The following ZNF254 variants were observed in gnomAD, a reference collection of about 807,000 sequenced individuals.
The protein encoded by ZNF254 is CTD-2017D11.1.
In ZNF254, 10 loss-of-function variants were observed where a neutral mutation model predicts 12.4. That is an observed-to-expected ratio of 0.80 (90% CI 0.50 to 1.36). The LOEUF (loss-of-function observed/expected upper bound fraction) is 1.36, where lower values mean the gene tolerates loss of function less well. ZNF254 is among the 40% of genes most tolerant of loss of function. The pLI is 0.00. For missense variants in ZNF254, 996 were observed against 763.9 expected (o/e 1.30, Z -3.58); for synonymous variants, 305 against 253.4 (o/e 1.20, Z -1.93).
intron 3 of ZNF254, chr19:24,107,489 TAGTTTA>T: frequency 3.2e-6 from 1 of 311,528 alleles, no homozygotes; most frequent in Non-Finnish European, 5.8e-6. Flanking sequence ...TTTTATCAGA[TAGTTTA>T]AGTGTATGGA....
At chr19:24,038,934 C>T (rs1970060736) in intron 1 of ZNF254, among the ~76,000 whole-genome samples, 1 of 152,216 alleles carries the variant, frequency 6.6e-6, no homozygotes, top group South Asian at 2.1e-4. Flanking sequence ...TTGAGTAAGC[C>T]TGAGAATCTA....
chr19:24,081,174 C>T (rs1031737451), intron 2 of ZNF254, among the ~76,000 whole-genome samples: 1 of 152,018 alleles, frequency 6.6e-6, no homozygotes, highest in African/African-American at 2.4e-5. Flanking sequence ...TGTATGGTCA[C>T]GGGGATAGAT....
intron 1 of ZNF254, among the ~76,000 whole-genome samples, chr19:24,090,564 G>A (rs1055598713): frequency 1.3e-5 from 2 of 152,092 alleles, no homozygotes; most frequent in Non-Finnish European, 2.9e-5. Context: ...AGCCTCCCAA[G>A]TAGCTGGGAC....
chr19:24,067,922 C>G (rs559906701), intron 2 of ZNF254, among the ~76,000 whole-genome samples: 1 of 152,306 alleles, frequency 6.6e-6, no homozygotes, highest in African/African-American at 2.4e-5. Flanking sequence ...TGATGTGACT[C>G]TTCATCAGCC....
intron 2 of ZNF254, among the ~76,000 whole-genome samples, chr19:24,077,986 A>G (rs900834523): frequency 6.6e-6 from 1 of 152,196 alleles, no homozygotes; most frequent in Non-Finnish European, 1.5e-5. Flanking sequence ...TGCACAATTT[A>G]TCAAGCCCAG....
chr19:24,035,866 A>G (rs1969946657), intron 1 of ZNF254, among the ~76,000 whole-genome samples: 1 of 152,188 alleles, frequency 6.6e-6, no homozygotes, highest in African/African-American at 2.4e-5. Context: ...AAAAATAGGA[A>G]GGGTGTTTCT....
rs1299039648 is a variant in ZNF254 at position 24,129,062 on chromosome 19, AAAGAT to A, written c.*1086_*1090del. 1 of 151,962 alleles carries A rather than the reference AAAGAT, an allele frequency of 6.6e-6. No homozygotes were observed. Among genetic ancestry groups the A allele is most frequent in the Admixed American group, 6.6e-5 (1 of 15,258 alleles). 9.4% of individuals were successfully genotyped at this position (151,962 alleles called of 1,614,324 possible). A position where few individuals can be genotyped will look rare whatever the true frequency, so the allele number is the denominator to read the frequency against. The stretch of plus-strand genomic sequence containing the variant: ...GCATTATTTATGACCTTTTCTATGA[AAAGAT>A]AAGGACATTAAAATGTAAGATGCGT... On this transcript the variant is annotated 3_prime_UTR_variant, in exon 4 of 4. Transcript: ENST00000357002.
intron 1 of ZNF254, among the ~76,000 whole-genome samples, chr19:24,089,045 C>T (rs1489067031): frequency 7.1e-6 from 1 of 140,530 alleles, no homozygotes; most frequent in African/African-American, 2.8e-5. Context: ...GGCACGATCT[C>T]GGCTCACCGC....
At chr19:24,037,970 C>T (rs2145174977) in intron 1 of ZNF254, among the ~76,000 whole-genome samples, 1 of 152,316 alleles carries the variant, frequency 6.6e-6, no homozygotes, top group African/African-American at 2.4e-5. Flanking sequence ...TGGTCTCGAA[C>T]TCCTGACCTC....
At chr19:24,122,272 T>C (rs1192392605) in intron 3 of ZNF254, among the ~76,000 whole-genome samples, 1 of 152,158 alleles carries the variant, frequency 6.6e-6, no homozygotes, top group Non-Finnish European at 1.5e-5. Context: ...TCACCCAGGC[T>C]GAAGTGCAGT....
intron 1 of ZNF254, among the ~76,000 whole-genome samples, chr19:24,034,157 A>G (rs1483873113): frequency 6.6e-6 from 1 of 152,254 alleles, no homozygotes; most frequent in Middle Eastern, 3.4e-3. Context: ...TGGTTTTGCC[A>G]TGGTGGAAGC....
At chr19:24,068,245 G>T (rs1971350518) in intron 2 of ZNF254, among the ~76,000 whole-genome samples, 1 of 151,616 alleles carries the variant, frequency 6.6e-6, no homozygotes, top group Admixed American at 6.6e-5. Flanking sequence ...AGAGAGCGTT[G>T]TAACATATCA....
intron 2 of ZNF254, among the ~76,000 whole-genome samples, chr19:24,081,120 A>C (rs1971831456): frequency 6.6e-6 from 1 of 151,470 alleles, no homozygotes; most frequent in Admixed American, 6.6e-5. Context: ...TGGACTGCTT[A>C]CTCTGTTTTG....
At chr19:24,046,282 A>G (rs1321834039) in intron 2 of ZNF254, 2 of 151,094 alleles carry the variant, frequency 1.3e-5, no homozygotes, top group Non-Finnish European at 2.9e-5. Context: ...ACAGCCAGGT[A>G]AGTGGGAGTA....
chr19:24,118,303 C>T (rs1157843986), intron 3 of ZNF254, among the ~76,000 whole-genome samples: 2 of 152,078 alleles, frequency 1.3e-5, no homozygotes, highest in Non-Finnish European at 2.9e-5. Context: ...CCGCCCGCAT[C>T]AGCCTCCCAA....
chr19:24,040,102 C>T (rs998814032), intron 1 of ZNF254, among the ~76,000 whole-genome samples: 1 of 152,144 alleles, frequency 6.6e-6, no homozygotes, highest in Non-Finnish European at 1.5e-5. Flanking sequence ...AGCTGAGGGC[C>T]AACTCCCTGC....
chr19:24,092,417 T>TCC (rs1019794069), intron 1 of ZNF254, among the ~76,000 whole-genome samples: 1 of 139,606 alleles, frequency 7.2e-6, no homozygotes, highest in African/African-American at 2.7e-5. Flanking sequence ...TGATCCACCC[T>TCC]CCCCCCCGGC....
chr19:24,127,157 CT>C lies in ZNF254; in HGVS notation c.1161del (p.Phe387LeufsTer12). 6.2e-7 allele frequency: 1 copy of C among 1,613,444 alleles called. No individual in the cohort carries two copies. Among genetic ancestry groups the C allele is most frequent in the African/African-American group, 1.3e-5 (1 of 74,934 alleles). On this transcript the variant is annotated frameshift_variant, in exon 4 of 4. Transcript: ENST00000357002. LOFTEE classifies it low-confidence loss of function (END_TRUNC). ...KRYKCLECGK[A>X]FKQLSTLTTH... ...TACAAATGCTTAGAATGTGGCAAAGCTTTTAAGCAACTCTCAACTCTTACTA... is the reference window on the plus strand; with the variant it reads ...TACAAATGCTTAGAATGTGGCAAAGCTTTAAGCAACTCTCAACTCTTACTA...
upstream of ZNF254, among the ~76,000 whole-genome samples, chr19:24,083,842 G>A (rs181016749): frequency 5.5e-4 from 83 of 152,212 alleles, 1 homozygote; most frequent in Non-Finnish European, 1.1e-3. Context: ...AATAATGCAT[G>A]TTCGCATGGT....
Sources: allele counts gnomAD v4.1 joint callset (sites outside exome capture counted in the v4.1 genomes callset), GRCh38; gene constraint gnomAD v4.1.1; transcripts MANE v1.5; gene names NCBI Gene and HGNC (gene_info 2026-07-23, HGNC 2026-07-21).